DCC: variants seen among roughly 807,000 people sequenced by gnomAD.
DCC encodes the protein DCC netrin 1 receptor.
In DCC, 58 loss-of-function variants were observed where a neutral mutation model predicts 172.5. That is an observed-to-expected ratio of 0.34 (90% CI 0.27 to 0.42). The LOEUF (loss-of-function observed/expected upper bound fraction) is 0.42. DCC is among the 10% of genes least tolerant of loss of function. DCC has a pLI of 1.00. For synonymous variants in DCC, 709 were observed against 644.5 expected, an observed-to-expected ratio of 1.10 and a Z score of -1.52; for missense variants, 1,740 against 1,791.0, an observed-to-expected ratio of 0.97 and a Z score of 0.51.
Position 53,142,967 on chromosome 18 carries a change from G to GT in DCC, c.1262-14382dup, listed in dbSNP as rs34266359. ...GTATCTCAATCTGGGTATATCCAAA[G>GT]TTTTTTTCATCCTTTAGACTGGTAT... On this transcript the variant is annotated intron_variant, in intron 7 of 28. Transcript: ENST00000442544. 2.6e-5 allele frequency among the ~76,000 whole-genome samples: 4 copies of GT among 151,782 alleles called. No individual in the cohort carries two copies. In the South Asian group the frequency reaches 6.2e-4, roughly 24 times the overall value.
intron 24 of DCC, among the ~76,000 whole-genome samples, chr18:53,460,409 C>A (rs62098317): frequency 6.9e-6 from 1 of 145,222 alleles, no homozygotes; most frequent in Non-Finnish European, 1.5e-5. Flanking sequence ...TGAGGTATAT[C>A]TCCCAGTGCT....
At chr18:52,596,531 C>T (rs542767527) in intron 1 of DCC, among the ~76,000 whole-genome samples, 31 of 152,270 alleles carry the variant, frequency 2.0e-4, no homozygotes, top group African/African-American at 6.7e-4. Context: ...TAAATCAAGA[C>T]TTTGGGCTGG....
chr18:53,276,286 A>T (rs2056806070), intron 12 of DCC, among the ~76,000 whole-genome samples: 1 of 152,128 alleles, frequency 6.6e-6, no homozygotes, highest in South Asian at 2.1e-4. Flanking sequence ...AGATAATTAA[A>T]TCATCTTTGT....
chr18:52,708,100 G>T (rs2036238567), intron 1 of DCC, among the ~76,000 whole-genome samples: 1 of 152,150 alleles, frequency 6.6e-6, no homozygotes, highest in Non-Finnish European at 1.5e-5. Context: ...ACATCATGTT[G>T]TATGCCATAA....
chr18:52,878,838 T>G (rs2039439708), intron 2 of DCC, among the ~76,000 whole-genome samples: 1 of 152,206 alleles, frequency 6.6e-6, no homozygotes, highest in Non-Finnish European at 1.5e-5. Flanking sequence ...CAAAAGGTGT[T>G]GGTCTCAAAT....
chr18:52,899,345 T>C (rs2039777021), intron 2 of DCC, among the ~76,000 whole-genome samples: 1 of 1,752 alleles, frequency 5.7e-4, no homozygotes, highest in African/African-American at 1.0e-3. Flanking sequence ...TTTCTTTCCT[T>C]TTTTTTTTTT....
chr18:52,668,408 G>T (rs1333089791), intron 1 of DCC, among the ~76,000 whole-genome samples: 1 of 152,168 alleles, frequency 6.6e-6, no homozygotes, highest in Non-Finnish European at 1.5e-5. Context: ...CATCTACTCA[G>T]ACTACATTTT....
rs529991757 is a variant in DCC at position 52,531,255 on chromosome 18, G to A, written c.91+190377G>A. Among the ~76,000 whole-genome samples the A allele has an allele frequency of 3.9e-5, 6 of 152,246 alleles. No individual in the cohort carries two copies. The South Asian group carries it at 6.2e-4, about 16-fold the overall frequency. On this transcript the variant is annotated intron_variant, in intron 1 of 28. Coordinates refer to ENST00000442544, the MANE Select transcript of DCC (RefSeq NM_005215.4). Reference sequence around the variant, plus strand: ...AAACTTGCTCTGAGATGTGTGACATGTATAGAAAATAAAAACCTAAGACTT... The same window carrying A: ...AAACTTGCTCTGAGATGTGTGACATATATAGAAAATAAAAACCTAAGACTT...
At chr18:53,244,983 TAGCATC>T (rs1466277227) in intron 12 of DCC, among the ~76,000 whole-genome samples, 2 of 152,126 alleles carry the variant, frequency 1.3e-5, no homozygotes, top group Non-Finnish European at 2.9e-5. Context: ...AAATGTGAAT[TAGCATC>T]AGTGGTGGCT....
intron 24 of DCC, among the ~76,000 whole-genome samples, chr18:53,460,960 A>G (rs1288281791): frequency 1.3e-5 from 2 of 152,132 alleles, no homozygotes; most frequent in Non-Finnish European, 2.9e-5. Context: ...CTGACTTTTT[A>G]ATGATTGCCA....
intron 1 of DCC, among the ~76,000 whole-genome samples, chr18:52,659,935 C>A (rs2035324982): frequency 6.6e-6 from 1 of 152,102 alleles, no homozygotes. Flanking sequence ...TTTTTCCCAT[C>A]TTATTGATTA....
chr18:53,082,209 T>C (rs1360548105), intron 7 of DCC, among the ~76,000 whole-genome samples: 1 of 152,230 alleles, frequency 6.6e-6, no homozygotes, highest in East Asian at 1.9e-4. Context: ...CATTCTACTT[T>C]AAAAGAGAAA....
At chr18:52,767,510 T>G (rs757064461) in intron 2 of DCC, among the ~76,000 whole-genome samples, 1 of 152,216 alleles carries the variant, frequency 6.6e-6, no homozygotes, top group Non-Finnish European at 1.5e-5. Flanking sequence ...TGACTTGAAT[T>G]AACAACTATG....
At chr18:52,637,528 A>C (rs1170676508) in intron 1 of DCC, among the ~76,000 whole-genome samples, 1 of 152,216 alleles carries the variant, frequency 6.6e-6, no homozygotes, top group Non-Finnish European at 1.5e-5. Context: ...TGCTCTGGAA[A>C]GTCTCAGCAA....
At chr18:53,379,456 C>T (rs979749388) in intron 15 of DCC, among the ~76,000 whole-genome samples, 5 of 152,196 alleles carry the variant, frequency 3.3e-5, no homozygotes, top group African/African-American at 9.7e-5. Context: ...AGTACAGCAT[C>T]TTGGTCTAGC....
chr18:52,820,326 CCTAATGTGTAT>C (rs2038383189), intron 2 of DCC, among the ~76,000 whole-genome samples: 1 of 152,092 alleles, frequency 6.6e-6, no homozygotes, highest in African/African-American at 2.4e-5. Flanking sequence ...AATGTCTTTG[CCTAATGTGTAT>C]GTACATGCAT....
At chr18:53,354,105 TG>T (rs2057848142) in intron 15 of DCC, among the ~76,000 whole-genome samples, 4 of 152,232 alleles carry the variant, frequency 2.6e-5, no homozygotes, top group African/African-American at 9.6e-5. Context: ...CCCTTTTTTA[TG>T]GCTGCATAGT....
At chr18:52,413,465 A>G (rs1260405368) in intron 1 of DCC, among the ~76,000 whole-genome samples, 2 of 151,936 alleles carry the variant, frequency 1.3e-5, no homozygotes, top group East Asian at 3.9e-4. Flanking sequence ...TCTGTCATCT[A>G]TATAACCTCT....
At chr18:53,302,114 A>T (rs142275424) in intron 12 of DCC, among the ~76,000 whole-genome samples, 6 of 152,166 alleles carry the variant, frequency 3.9e-5, no homozygotes, top group African/African-American at 1.4e-4. Context: ...AGAGACACCA[A>T]TCATGTCATA....
Sources: gnomAD v4.1 joint callset for allele counts (sites outside exome capture counted in the v4.1 genomes callset) on GRCh38, gnomAD v4.1.1 for gene constraint, MANE v1.5 for transcripts, NCBI Gene and HGNC (gene_info 2026-07-23, HGNC 2026-07-21) for gene names.